The following ILDR1 variants were observed in gnomAD, a reference collection of about 807,000 sequenced individuals.
ILDR1 encodes the protein immunoglobulin like domain containing receptor 1.
Under a neutral mutation model 62.4 loss-of-function variants are expected in ILDR1, and 56 were observed. That is an observed-to-expected ratio of 0.90 (90% CI 0.72 to 1.12). The LOEUF is 1.12. Among genes scored for constraint, ILDR1 ranks in the 50% most tolerant of loss-of-function variants. The pLI is 0.00. For synonymous variants in ILDR1, 284 were observed against 277.8 expected (o/e 1.02, Z -0.22); for missense variants, 736 against 710.6 (o/e 1.04, Z -0.41).
upstream of ILDR1, among the ~76,000 whole-genome samples, chr3:122,024,804 CCA>C (rs779621639): frequency 6.6e-6 from 1 of 152,324 alleles, no homozygotes; most frequent in South Asian, 2.1e-4. Flanking sequence ...TGATCTGACT[CCA>C]GAGTTTGTGC....
the ILDR1 span, among the ~76,000 whole-genome samples, chr3:122,028,891 C>T: frequency 0.024 from 3,711 of 152,294 alleles, 154 homozygotes; most frequent in African/African-American, 0.082. Flanking sequence ...AATTTCCCTT[C>T]AAGGTCTTTA....
At chr3:122,051,145 G>A in the ILDR1 span, among the ~76,000 whole-genome samples, 1 of 152,086 alleles carries the variant, frequency 6.6e-6, no homozygotes, top group Non-Finnish European at 1.5e-5. Flanking sequence ...GGCCTATTGG[G>A]CTTCTTGGAT....
chr3:122,007,279 CACAG>C (rs1416045889), intron 1 of ILDR1, 118 bp from the exon 2 acceptor site: 7 of 1,555,536 alleles, frequency 4.5e-6, no homozygotes, highest in African/African-American at 1.4e-5. Context: ...GCTAGGAGCT[CACAG>C]ACAGAGTCTG....
Position 121,993,342 on chromosome 3 carries a change from A to C in ILDR1, c.1407T>G (p.Ser469=). Residue 469 remains serine, a synonymous_variant, in exon 7 of 8, where the codon TCT becomes TCG. Transcript: ENST00000344209. ...AACTGAGGCCGGAGGGCAAGGGAGG[A>C]GAGTAGCTGCGGTGCCTGCGTCGTC... ...HGRRRRHRSY[S]PPLPSGLSSW... 5.0e-6 allele frequency: 8 copies of C among 1,609,898 alleles called. No homozygotes were observed. Among genetic ancestry groups the C allele is most frequent in the Non-Finnish European group, 6.8e-6 (8 of 1,176,880 alleles).
chr3:122,016,282 T>C (rs942306583), intron 1 of ILDR1, among the ~76,000 whole-genome samples: 2 of 152,258 alleles, frequency 1.3e-5, no homozygotes, highest in Admixed American at 6.5e-5. Context: ...TGTGGTACCT[T>C]GTATCCTTCT....
chr3:122,045,669 G>A, the ILDR1 span, among the ~76,000 whole-genome samples: 2 of 151,698 alleles, frequency 1.3e-5, no homozygotes, highest in African/African-American at 4.8e-5. Context: ...TTACCATTAT[G>A]TAATGGCCTT....
chr3:122,011,187 A>G (rs537460855), intron 1 of ILDR1, among the ~76,000 whole-genome samples: 56 of 152,332 alleles, frequency 3.7e-4, no homozygotes, highest in Middle Eastern at 3.4e-3. Context: ...GTAATTTGAT[A>G]TAAATAGCAG....
intron 3 of ILDR1, among the ~76,000 whole-genome samples, chr3:122,004,029 A>T (rs1559876520): frequency 6.6e-6 from 1 of 151,290 alleles, no homozygotes; most frequent in Non-Finnish European, 1.5e-5. Flanking sequence ...CCGAATGTAA[A>T]AAAAAAAAAA....
At position 122,001,423 on chromosome 3, in the gene ILDR1, T is replaced by G. The variant is rs766874607; in HGVS notation, c.531A>C (p.Gly177=). The change falls in exon 5 of 8, where the codon GGA becomes GGC. Residue 177 remains glycine, a synonymous_variant. Coordinates refer to ENST00000344209, the MANE Select transcript of ILDR1 (RefSeq NM_001199799.2). ...HWLTVIFIIL[G]ALLLLLLIGV... ...CAATCAGCAGCAGGAGGAGGAGGGC[T>G]CCCAGGATGATGAAGATCACTGTCA... 1 of 1,614,008 alleles carries G rather than the reference T, an allele frequency of 6.2e-7. No individual in the cohort carries two copies. Among genetic ancestry groups the G allele is most frequent in the South Asian group, 1.1e-5 (1 of 91,072 alleles).
intron 7 of ILDR1, among the ~76,000 whole-genome samples, chr3:121,991,684 G>T (rs986920122): frequency 3.3e-5 from 5 of 152,150 alleles, no homozygotes; most frequent in African/African-American, 1.2e-4. Context: ...TGACATAATT[G>T]CCATTAATTA....
chr3:122,035,979 T>C, the ILDR1 span, among the ~76,000 whole-genome samples: 8 of 152,166 alleles, frequency 5.3e-5, no homozygotes, highest in Admixed American at 2.6e-4. Context: ...TAGAGACTTG[T>C]TGAATGGTTT....
chr3:122,010,915 C>T (rs1299452086), intron 1 of ILDR1, among the ~76,000 whole-genome samples: 1 of 152,174 alleles, frequency 6.6e-6, no homozygotes. Flanking sequence ...TCCTGTACAA[C>T]AAATCTGAGG....
chr3:122,041,451 C>T, the ILDR1 span, among the ~76,000 whole-genome samples: 1 of 152,258 alleles, frequency 6.6e-6, no homozygotes, highest in African/African-American at 2.4e-5. Context: ...ATTGGACTTC[C>T]CAGCATGTGA....
At chr3:122,001,122 C>T (rs2071517777) in intron 5 of ILDR1, among the ~76,000 whole-genome samples, 186 bp downstream of exon 5, 1 of 152,190 alleles carries the variant, frequency 6.6e-6, no homozygotes. Context: ...AAATGTCCTT[C>T]CATGTGGCTA....
the ILDR1 span, among the ~76,000 whole-genome samples, chr3:122,052,298 A>G: frequency 1.3e-5 from 2 of 152,098 alleles, no homozygotes; most frequent in South Asian, 2.1e-4. Context: ...AAAGAAACCA[A>G]TCCTATGGGC....
the ILDR1 span, among the ~76,000 whole-genome samples, chr3:122,042,335 G>T: frequency 3.6e-5 from 2 of 55,494 alleles, no homozygotes; most frequent in African/African-American, 7.3e-5. Flanking sequence ...ATTTGGGTTG[G>T]TTCCAAGTCT....
the ILDR1 span, among the ~76,000 whole-genome samples, chr3:122,035,278 G>A: frequency 6.6e-6 from 1 of 152,136 alleles, no homozygotes; most frequent in Admixed American, 6.5e-5. Context: ...TGGGAGAAGG[G>A]CAAGTATAAG....
chr3:122,001,415 A>T lies in ILDR1; in HGVS notation c.539T>A (p.Leu180His). The change falls in exon 5 of 8, where the codon CTC (leucine) becomes CAC (histidine). Residue 180 changes from leucine to histidine, a missense_variant. Coordinates refer to ENST00000344209, the MANE Select transcript of ILDR1 (RefSeq NM_001199799.2). ...GCACACTCCAATCAGCAGCAGGAGG[A>T]GGAGGGCTCCCAGGATGATGAAGAT... ...TVIFIILGAL[L>H]LLLLIGVCWC... 1.2e-6 allele frequency: 2 copies of T among 1,614,144 alleles called. No homozygotes were observed. Among genetic ancestry groups the T allele is most frequent in the Non-Finnish European group, 1.7e-6 (2 of 1,180,018 alleles).
At chr3:122,010,424 C>A (rs887149977) in intron 1 of ILDR1, among the ~76,000 whole-genome samples, 2 of 152,044 alleles carry the variant, frequency 1.3e-5, no homozygotes, top group African/African-American at 2.4e-5. Context: ...AAATATATAT[C>A]ATTTTAAAAA....
Sources: allele counts gnomAD v4.1 joint callset (sites outside exome capture counted in the v4.1 genomes callset), GRCh38; gene constraint gnomAD v4.1.1; transcripts MANE v1.5; gene names NCBI Gene and HGNC (gene_info 2026-07-23, HGNC 2026-07-21).